STK35: variants seen among roughly 807,000 people sequenced by gnomAD.
STK35 encodes the protein serine/threonine-protein kinase 35.
A neutral mutation model predicts 37.3 loss-of-function variants in STK35; 17 were observed. The ratio of observed to expected loss-of-function variants is 0.46; its 90% CI spans 0.31 to 0.68. The LOEUF is 0.68. STK35 is among the 30% of genes least tolerant of loss of function. STK35 has a pLI of 0.05. For missense variants in STK35, 595 were observed against 746.7 expected, an observed-to-expected ratio of 0.80 and a Z score of 2.37; for synonymous variants, 385 against 319.1, an observed-to-expected ratio of 1.21 and a Z score of -2.20.
intron 3 of STK35, among the ~76,000 whole-genome samples, chr20:2,124,645 A>G (rs1378978355): frequency 4.6e-5 from 7 of 152,260 alleles, no homozygotes; most frequent in Non-Finnish European, 1.0e-4. Flanking sequence ...CCATCTCACT[A>G]GCACTAAACA....
intron 3 of STK35, among the ~76,000 whole-genome samples, chr20:2,135,230 T>C (rs973130877): frequency 1.4e-4 from 21 of 152,218 alleles, no homozygotes; most frequent in African/African-American, 5.1e-4. Flanking sequence ...GGCGACAGTC[T>C]GTCTGCCTTT....
At position 2,117,743 on chromosome 20, in the gene STK35, CCT is replaced by C. The variant is rs1286725271; in HGVS notation, c.*37+333_*37+334del. ...TACAGTTGTGAGCCACCATGCCCAG[CCT>C]CTCTTTTTTTTCTGTATGCCCACTT... On this transcript the variant is annotated intron_variant, in intron 3 of 3. Coordinates refer to ENST00000381482, the MANE Select transcript of STK35 (RefSeq NM_080836.4). This position sits in a 1 kb window ranked among gnomAD's most constrained non-coding sequence, Gnocchi z 4.4. Among the ~76,000 whole-genome samples, 4 of 152,206 alleles carry C rather than the reference CCT, an allele frequency of 2.6e-5. No individual in the cohort carries two copies.
At chr20:2,140,164 A>G (rs16981937) in intron 3 of STK35, among the ~76,000 whole-genome samples, 246 of 152,312 alleles carry the variant, frequency 1.6e-3, no homozygotes, top group Middle Eastern at 0.01. Context: ...TGTCAGTTGC[A>G]GGTTTATCAC....
chr20:2,145,015 C>A lies in STK35; in HGVS notation c.*1269C>A, dbSNP rs530456975. On this transcript the variant is annotated 3_prime_UTR_variant, in exon 4 of 4. Transcript: ENST00000381482. The stretch of plus-strand genomic sequence containing the variant: ...GGGAGGTGTCGTGGAACTGGGTAGA[C>A]CCCCTGCAGCGTTAGGGGCCCATTT... 6.6e-6 allele frequency: 1 copy of A among 152,458 alleles called. No homozygotes were observed. The highest frequency in any genetic ancestry group is 1.9e-4 in the East Asian group (1 of 5,182). 9.4% of individuals were successfully genotyped at this position (152,458 alleles called of 1,614,324 possible). A position where few individuals can be genotyped will look rare whatever the true frequency, so the allele number is the denominator to read the frequency against.
chr20:2,101,948 T>C lies in STK35; in HGVS notation c.67T>C (p.Cys23Arg). The C allele has an allele frequency of 2.0e-6, 3 of 1,515,512 alleles. No homozygotes were observed. The highest frequency in any genetic ancestry group is 1.4e-5 in the African/African-American group (1 of 71,804). The allele number at this position is 1,515,512 out of a possible 1,614,324, so 93.9% of individuals were successfully genotyped here. ...AGGAAYVKRL[C>R]KGLSWREHVE... is the part of the protein sequence containing the mutation. Reference sequence around the variant, plus strand: ...AGGTGCAGCTTATGTAAAGAGGTTATGTAAAGGGCTCAGCTGGCGCGAACA... The same window carrying C: ...AGGTGCAGCTTATGTAAAGAGGTTACGTAAAGGGCTCAGCTGGCGCGAACA... Residue 23 changes from cysteine (C) to arginine (R), a missense_variant, in exon 1 of 4, where the codon TGT (cysteine) becomes CGT (arginine). By Grantham distance (180) the Cys-to-Arg change is radical. Coordinates refer to ENST00000381482, the MANE Select transcript of STK35 (RefSeq NM_080836.4).
chr20:2,130,116 G>A (rs945838287), intron 3 of STK35, among the ~76,000 whole-genome samples: 4 of 152,184 alleles, frequency 2.6e-5, no homozygotes, highest in Admixed American at 1.3e-4. Flanking sequence ...CCATGTAAGA[G>A]TGAATGTTGC....
chr20:2,108,052 A>G (rs6137005), intron 2 of STK35, among the ~76,000 whole-genome samples: 69,554 of 152,046 alleles, frequency 0.46, 16,781 homozygotes, highest in East Asian at 0.94. Flanking sequence ...TGCCCAATGT[A>G]AAACAGCTAA....
Position 2,103,325 on chromosome 20 carries a change from C to G in STK35, c.852C>G (p.Ser284Arg), listed in dbSNP as rs758971371. The change falls in exon 2 of 4, where the codon AGC becomes AGG. Residue 284 changes from serine (S) to arginine (R), a missense_variant. Around this residue, in one of 3 missense-constraint regions of STK35, gnomAD observed 97 missense variants for 146.4 expected, o/e 0.66. Transcript: ENST00000381482. ...AGCGCATGAGTCACGGCAACAAGAG[C>G]TCGCAGCTTTACCTGCGCCTGGTGG... ...LAQRMSHGNK[S>R]SQLYLRLVET... 1 of 1,612,686 alleles carries G rather than the reference C, an allele frequency of 6.2e-7. No individual in the cohort carries two copies. The highest frequency in any genetic ancestry group is 1.3e-5 in the African/African-American group (1 of 74,904).
At chr20:2,131,771 C>T (rs966702076) in intron 3 of STK35, among the ~76,000 whole-genome samples, 8 of 149,112 alleles carry the variant, frequency 5.4e-5, no homozygotes, top group African/African-American at 2.0e-4. Flanking sequence ...GGCTGGAGTG[C>T]AGTGGCACGA....
Position 2,102,982 on chromosome 20 carries a change from C to T in STK35, c.509C>T (p.Ala170Val). ...PSTKLRPAAAARAMDPVAAEA... is the reference protein window; with the variant it reads ...PSTKLRPAAAVRAMDPVAAEA... ...ACGAAGCTGAGGCCGGCGGCGGCGGCCCGGGCCATGGATCCGGTGGCGGCC... is the reference window on the plus strand; with the variant it reads ...ACGAAGCTGAGGCCGGCGGCGGCGGTCCGGGCCATGGATCCGGTGGCGGCC... The change falls in exon 2 of 4, where the codon GCC becomes GTC. Residue 170 changes from alanine (A) to valine (V), a missense_variant. Ala to Val is a moderately conservative substitution (Grantham distance 64, BLOSUM62 0). Transcript: ENST00000381482. 1.4e-6 allele frequency: 2 copies of T among 1,417,246 alleles called. No homozygotes were observed. Among genetic ancestry groups the T allele is most frequent in the South Asian group, 1.5e-5 (1 of 67,420 alleles). The allele number at this position is 1,417,246 out of a possible 1,614,324, so 87.8% of individuals were successfully genotyped here.
Position 2,102,983 on chromosome 20 carries a change from C to T in STK35, c.510C>T (p.Ala170=). The change falls in exon 2 of 4, where the codon GCC becomes GCT. Residue 170 remains alanine, a synonymous_variant. Transcript: ENST00000381482. ...CGAAGCTGAGGCCGGCGGCGGCGGCCCGGGCCATGGATCCGGTGGCGGCCG... is the reference window on the plus strand; with the variant it reads ...CGAAGCTGAGGCCGGCGGCGGCGGCTCGGGCCATGGATCCGGTGGCGGCCG... ...PSTKLRPAAA[A]RAMDPVAAEA... 5 of 1,417,132 alleles carry T rather than the reference C, an allele frequency of 3.5e-6. No homozygotes were observed. The highest frequency in any genetic ancestry group is 1.5e-5 in the South Asian group (1 of 67,336). The allele number at this position is 1,417,132 out of a possible 1,614,324, so 87.8% of individuals were successfully genotyped here.
Position 2,116,679 on chromosome 20 carries a change from G to A in STK35, c.906G>A (p.Leu302=). ...TCTTTGATTTAGGAGAAAGGATCCT[G>A]GGTTATGCTGAGGAGCCCTGCTATC... ...VETSLKGERI[L]GYAEEPCYLW... Residue 302 remains leucine, a synonymous_variant, in exon 3 of 4, where the codon CTG becomes CTA. Coordinates refer to ENST00000381482, the MANE Select transcript of STK35 (RefSeq NM_080836.4). The A allele has an allele frequency of 1.2e-6, 2 of 1,613,588 alleles. No individual in the cohort carries two copies. Among genetic ancestry groups the A allele is most frequent in the Non-Finnish European group, 1.7e-6 (2 of 1,179,574 alleles).
At chr20:2,121,653 A>G (rs1464024153) in intron 3 of STK35, among the ~76,000 whole-genome samples, 1 of 152,166 alleles carries the variant, frequency 6.6e-6, no homozygotes, top group East Asian at 1.9e-4. Context: ...TGGAGTGGGT[A>G]TAGACAAGAG....
Position 2,116,795 on chromosome 20 carries a change from T to C in STK35, c.1022T>C (p.Met341Thr). 1 of 1,614,192 alleles carries C rather than the reference T, an allele frequency of 6.2e-7. No homozygotes were observed. ...RPDPATNKSFMLQLTSAIAFL... is the reference protein window; with the variant it reads ...RPDPATNKSFTLQLTSAIAFL... ...GACCCAGCCACCAACAAAAGTTTCA[T>C]GCTACAGCTGACGAGCGCCATTGCC... Residue 341 changes from methionine (M) to threonine (T), a missense_variant, in exon 3 of 4, where the codon ATG (methionine) becomes ACG (threonine). Met to Thr is a moderately conservative substitution (Grantham distance 81). This residue lies in a region of STK35 where 109 missense variants were observed against 280.3 expected (regional missense o/e 0.39). Coordinates refer to ENST00000381482, the MANE Select transcript of STK35 (RefSeq NM_080836.4).
chr20:2,102,198 G>A (rs1475928617), intron 1 of STK35, 23 bp downstream of exon 1: 3 of 1,370,144 alleles, frequency 2.2e-6, no homozygotes, highest in African/African-American at 3.1e-5. Context: ...TTGGAGGACT[G>A]AAGGCCAGCG....
At position 2,143,954 on chromosome 20, in the gene STK35, TTTTCTTTTTTTTTTTTCCTC is replaced by T. The variant is rs1049494682; in HGVS notation, c.*213_*232del. 2.8e-5 allele frequency: 11 copies of T among 387,610 alleles called. No individual in the cohort carries two copies. The highest frequency in any genetic ancestry group is 4.7e-5 in the Non-Finnish European group (10 of 211,374). 24.0% of individuals were successfully genotyped at this position (387,610 alleles called of 1,614,324 possible). A position where few individuals can be genotyped will look rare whatever the true frequency, so the allele number is the denominator to read the frequency against. On this transcript the variant is annotated 3_prime_UTR_variant, in exon 4 of 4. Coordinates refer to ENST00000381482, the MANE Select transcript of STK35 (RefSeq NM_080836.4). The stretch of plus-strand genomic sequence containing the variant: ...GTTTTGCTTTATTTTTTTCCTTTTC[TTTTCTTTTTTTTTTTTCCTC>T]TTTCCTTTTTTTAAATTTAAACCAT...
intron 3 of STK35, among the ~76,000 whole-genome samples, chr20:2,129,481 T>C (rs1297291229): frequency 5.3e-5 from 8 of 152,062 alleles, no homozygotes; most frequent in African/African-American, 1.9e-4. Flanking sequence ...TCGGAATGTG[T>C]GCAGGCTCAT....
rs1431109738 is a variant in STK35, at chr20:2,147,437, T to C, written c.*3691T>C. The C allele has an allele frequency of 1.3e-5, 2 of 152,634 alleles. No homozygotes were observed. Among genetic ancestry groups the C allele is most frequent in the Non-Finnish European group, 2.9e-5 (2 of 68,046 alleles). The allele number at this position is 152,634 out of a possible 1,614,324, so 9.5% of individuals were successfully genotyped here. ...TGGCATTGTGGGAATTTTCTTTTTATGCTGTTAGCTGTTTACCTTCTTAGA... is the reference window on the plus strand; with the variant it reads ...TGGCATTGTGGGAATTTTCTTTTTACGCTGTTAGCTGTTTACCTTCTTAGA... On this transcript the variant is annotated 3_prime_UTR_variant, in exon 4 of 4. Transcript: ENST00000381482.
intron 3 of STK35, among the ~76,000 whole-genome samples, chr20:2,142,333 G>T (rs1480039094): frequency 8.8e-6 from 1 of 113,998 alleles, no homozygotes; most frequent in Non-Finnish European, 1.8e-5. Flanking sequence ...GTCCTATCCT[G>T]CTGCCTCTTG....
Sources: allele counts gnomAD v4.1 joint callset (sites outside exome capture counted in the v4.1 genomes callset), GRCh38; gene constraint gnomAD v4.1.1; regional missense constraint gnomAD v4.1.1; non-coding constraint Gnocchi (gnomAD v3.1); transcripts MANE v1.5; gene names NCBI Gene and HGNC (gene_info 2026-07-23, HGNC 2026-07-21).